The following DPP10 variants were observed in gnomAD, a reference collection of about 807,000 sequenced individuals.
DPP10 encodes dipeptidyl peptidase like 10.
Under a neutral mutation model 120.9 loss-of-function variants are expected in DPP10, and 33 were observed. The ratio of observed to expected loss-of-function variants is 0.27; its 90% CI spans 0.21 to 0.37. The LOEUF is 0.37. Ranked by LOEUF, DPP10 falls within the 10% of genes least tolerant of loss-of-function variation. The pLI is 1.00. For missense variants in DPP10, 816 were observed against 942.8 expected (o/e 0.87, Z 1.76); for synonymous variants, 337 against 326.1 (o/e 1.03, Z -0.36).
chr2:115,056,974 C>A (rs539752159), intron 1 of DPP10, among the ~76,000 whole-genome samples: 1 of 152,290 alleles, frequency 6.6e-6, no homozygotes, highest in African/African-American at 2.4e-5. Flanking sequence ...TGGGAATAGA[C>A]TTCGCTTCAC....
chr2:115,607,679 T>C (rs1238927785), intron 5 of DPP10, among the ~76,000 whole-genome samples: 1 of 152,220 alleles, frequency 6.6e-6, no homozygotes, highest in African/African-American at 2.4e-5. Flanking sequence ...GTATGCTTCA[T>C]ATCACACTTG....
intron 1 of DPP10, among the ~76,000 whole-genome samples, chr2:114,486,245 C>G (rs1358769520): frequency 6.6e-6 from 1 of 151,796 alleles, no homozygotes; most frequent in Non-Finnish European, 1.5e-5. Flanking sequence ...GTATTGTACA[C>G]TGCATTTCAA....
At chr2:115,651,932 A>G (rs2087816327) in intron 5 of DPP10, among the ~76,000 whole-genome samples, 2 of 152,048 alleles carry the variant, frequency 1.3e-5, no homozygotes, top group Admixed American at 6.6e-5. Flanking sequence ...TTCATTTTTC[A>G]AAGTTTCCCT....
intron 1 of DPP10, among the ~76,000 whole-genome samples, chr2:114,739,020 TCCC>T (rs1677756517): frequency 6.6e-6 from 1 of 152,156 alleles, no homozygotes; most frequent in Admixed American, 6.5e-5. Context: ...CTTCAACTCA[TCCC>T]CTATTTACTC....
chr2:115,225,435 C>CT (rs1187472232), intron 1 of DPP10, among the ~76,000 whole-genome samples: 5 of 150,790 alleles, frequency 3.3e-5, no homozygotes, highest in Non-Finnish European at 5.9e-5. Context: ...TGAGTGTGTT[C>CT]TTTTTTTTTC....
intron 1 of DPP10, among the ~76,000 whole-genome samples, chr2:114,772,248 C>T (rs573878249): frequency 6.6e-6 from 1 of 152,118 alleles, no homozygotes; most frequent in Admixed American, 6.5e-5. Context: ...ACCTCTGCCT[C>T]CCAGATTCAA....
intron 1 of DPP10, among the ~76,000 whole-genome samples, chr2:115,240,598 C>T (rs1574127048): frequency 6.6e-6 from 1 of 152,088 alleles, no homozygotes; most frequent in East Asian, 1.9e-4. Flanking sequence ...TCACTCTGCT[C>T]ATAGTTTCTT....
rs1003075190 is a variant in DPP10 at position 115,535,053 on chromosome 2, T to G, written c.441+9081T>G. 8.5e-4 allele frequency among the ~76,000 whole-genome samples: 127 copies of G among 150,038 alleles called. 3 individuals carry two copies. In the East Asian group the frequency reaches 0.019, roughly 22 times the overall value. On this transcript the variant is annotated intron_variant, in intron 5 of 25. Transcript: ENST00000410059. ...GTAGGTTGCGAAAATTTTCTCCCAT[T>G]TTGTAGGTTGCCTGTTCACTCTGAT...
chr2:114,445,748 C>T (rs543705333), intron 1 of DPP10, among the ~76,000 whole-genome samples: 33 of 152,218 alleles, frequency 2.2e-4, no homozygotes, highest in African/African-American at 7.2e-4. Flanking sequence ...GGTTGCTTGA[C>T]ACTTGCTTTG....
In DPP10 at chr2:115,652,695, G is replaced by A. The variant is rs536224180; in HGVS notation, c.442-36992G>A. Among the ~76,000 whole-genome samples, 4 of 151,912 alleles carry A rather than the reference G, an allele frequency of 2.6e-5. No homozygotes were observed. In the South Asian group the frequency reaches 8.3e-4, roughly 32 times the overall value. On this transcript the variant is annotated intron_variant, in intron 5 of 25. Transcript: ENST00000410059. The stretch of plus-strand genomic sequence containing the variant: ...CAGGGGAAGACTGATGTACCATTTC[G>A]AGAACAGTTGGGCAGAGAAAGCGAA...
chr2:115,815,654 T>G (rs1430296474), intron 20 of DPP10, 21 bp from the exon 21 acceptor site: 2 of 1,595,332 alleles, frequency 1.3e-6, no homozygotes, highest in Non-Finnish European at 8.6e-7. Flanking sequence ...ATATAACTAT[T>G]GTTTTTCGTT....
intron 1 of DPP10, among the ~76,000 whole-genome samples, chr2:114,817,010 T>C (rs1471470541): frequency 2.6e-5 from 4 of 152,320 alleles, no homozygotes; most frequent in Non-Finnish European, 5.9e-5. Context: ...AGCATACTGA[T>C]AACAGTAAAA....
intron 2 of DPP10, among the ~76,000 whole-genome samples, chr2:115,334,073 G>A (rs532797810): frequency 6.6e-6 from 1 of 151,732 alleles, no homozygotes; most frequent in East Asian, 2.0e-4. Context: ...ACACTCTGCA[G>A]GATATTATCC....
At chr2:115,383,477 A>C (rs1451277391) in intron 3 of DPP10, among the ~76,000 whole-genome samples, 1 of 152,202 alleles carries the variant, frequency 6.6e-6, no homozygotes, top group Non-Finnish European at 1.5e-5. Context: ...TATCAGCAGC[A>C]TGAAAATGGA....
intron 1 of DPP10, among the ~76,000 whole-genome samples, chr2:114,974,834 C>T (rs984599061): frequency 1.3e-5 from 2 of 151,946 alleles, no homozygotes; most frequent in African/African-American, 2.4e-5. Context: ...AATGTGTTCT[C>T]CTCATTAAGT....
At chr2:114,723,870 C>T (rs184486712) in intron 1 of DPP10, among the ~76,000 whole-genome samples, 28 of 152,242 alleles carry the variant, frequency 1.8e-4, no homozygotes, top group African/African-American at 6.5e-4. Flanking sequence ...TAAATCAACA[C>T]AACAATAATG....
chr2:115,693,678 A>G (rs2091438318), intron 7 of DPP10, among the ~76,000 whole-genome samples: 1 of 152,086 alleles, frequency 6.6e-6, no homozygotes, highest in South Asian at 2.1e-4. Flanking sequence ...TTTTTAATAT[A>G]TTTAAGAAAA....
At chr2:114,884,533 C>T (rs185965181) in intron 1 of DPP10, among the ~76,000 whole-genome samples, 2 of 152,160 alleles carry the variant, frequency 1.3e-5, no homozygotes, top group South Asian at 4.1e-4. Flanking sequence ...CTGACTCTTA[C>T]TCCTCTGTCT....
chr2:115,017,259 T>A (rs1702713730), intron 1 of DPP10, among the ~76,000 whole-genome samples: 1 of 151,432 alleles, frequency 6.6e-6, no homozygotes, highest in African/African-American at 2.4e-5. Flanking sequence ...AAAATGCTCA[T>A]CATCACTGGC....
Sources: allele counts gnomAD v4.1 joint callset (sites outside exome capture counted in the v4.1 genomes callset), GRCh38; gene constraint gnomAD v4.1.1; transcripts MANE v1.5; gene names NCBI Gene and HGNC (gene_info 2026-07-23, HGNC 2026-07-21).